ANKAR: variants seen among roughly 807,000 people sequenced by gnomAD.
The protein encoded by ANKAR is ankyrin and armadillo repeat containing, also known as ankyrin and armadillo repeat-containing protein.
ANKAR carries 136 observed loss-of-function variants against 146.2 expected under a neutral mutation model. The observed-to-expected ratio is 0.93, with a 90% CI of 0.81 to 1.07. The LOEUF (loss-of-function observed/expected upper bound fraction) is 1.07. Ranked by LOEUF, ANKAR falls within the 50% of genes least tolerant of loss-of-function variation. The probability of loss-of-function intolerance (pLI) is 0.00; values close to 1 mark genes in which losing one functional copy is unlikely to be tolerated. For synonymous variants in ANKAR, 500 were observed against 575.8 expected, an observed-to-expected ratio of 0.87 and a Z score of 1.88; for missense variants, 1,567 against 1,679.9, an observed-to-expected ratio of 0.93 and a Z score of 1.18.
At chr2:189,678,233 A>G (rs761181224) in intron 2 of ANKAR, among the ~76,000 whole-genome samples, 17 of 152,070 alleles carry the variant, frequency 1.1e-4, no homozygotes, top group South Asian at 2.1e-4. Flanking sequence ...CCTTTTGTAT[A>G]TCTTCATTTG....
At chr2:189,709,386 A>G (rs2039395487) in intron 9 of ANKAR, among the ~76,000 whole-genome samples, 1 of 152,218 alleles carries the variant, frequency 6.6e-6, no homozygotes, top group African/African-American at 2.4e-5. Context: ...AAATCATAGA[A>G]GGTTATAGGG....
downstream of ANKAR, among the ~76,000 whole-genome samples, chr2:189,747,989 C>T (rs910030493): frequency 2.0e-5 from 3 of 152,044 alleles, no homozygotes; most frequent in African/African-American, 2.4e-5. Context: ...CCTGGCTTCA[C>T]TGTGTACTTT....
chr2:189,715,026 AG>A (rs1307233832), intron 10 of ANKAR, among the ~76,000 whole-genome samples: 1 of 152,014 alleles, frequency 6.6e-6, no homozygotes, highest in Admixed American at 6.5e-5. Context: ...CACAATTAAA[AG>A]AACTAGAGAA....
intron 2 of ANKAR, among the ~76,000 whole-genome samples, chr2:189,686,655 G>A (rs1266283833): frequency 3.3e-5 from 5 of 152,092 alleles, no homozygotes; most frequent in South Asian, 4.1e-4. Flanking sequence ...GAAAAATCAC[G>A]TTTTCTTGTT....
intron 7 of ANKAR, 48 bp from the exon 8 acceptor site, chr2:189,704,975 A>G (rs1220262024): frequency 6.4e-7 from 1 of 1,559,194 alleles, no homozygotes; most frequent in South Asian, 1.1e-5. Context: ...GGTTTTTTTT[A>G]GGAATGGTAG....
At chr2:189,677,622 T>A (rs928265945) in intron 2 of ANKAR, among the ~76,000 whole-genome samples, 3 of 152,158 alleles carry the variant, frequency 2.0e-5, no homozygotes, top group Non-Finnish European at 2.9e-5. Context: ...CATTATTTAA[T>A]TCATTTTTAT....
At chr2:189,749,564 A>C (rs2044776639), downstream of ANKAR, among the ~76,000 whole-genome samples, 1 of 152,060 alleles carries the variant, frequency 6.6e-6, no homozygotes, top group Non-Finnish European at 1.5e-5. Flanking sequence ...ATCCAAAAAA[A>C]CTCCCTCATT....
chr2:189,714,054 A>C (rs548175305), intron 10 of ANKAR, among the ~76,000 whole-genome samples: 1 of 152,218 alleles, frequency 6.6e-6, no homozygotes, highest in Admixed American at 6.5e-5. Context: ...TGCAACAAGA[A>C]GAACTAACTA....
chr2:189,679,720 T>G (rs899543733), intron 2 of ANKAR, among the ~76,000 whole-genome samples: 2 of 152,194 alleles, frequency 1.3e-5, no homozygotes, highest in African/African-American at 4.8e-5. Context: ...ATTGAGATGA[T>G]TTTTGTTTTT....
intron 17 of ANKAR, among the ~76,000 whole-genome samples, chr2:189,735,320 T>C (rs2042750875): frequency 6.6e-6 from 1 of 152,190 alleles, no homozygotes; most frequent in Non-Finnish European, 1.5e-5. Flanking sequence ...AACTAGAAGG[T>C]TTAACCAAAG....
chr2:189,696,228 A>T lies in ANKAR; in HGVS notation c.1567A>T (p.Ser523Cys). The T allele has an allele frequency of 6.2e-7, 1 of 1,614,142 alleles. No individual in the cohort carries two copies. Among genetic ancestry groups the T allele is most frequent in the East Asian group, 2.2e-5 (1 of 44,878 alleles). ...CCACACATTTAGCCGTAAAACCTCAAGCTCAACAATCAATGTTTCAGATGA... is the reference window on the plus strand; with the variant it reads ...CCACACATTTAGCCGTAAAACCTCATGCTCAACAATCAATGTTTCAGATGA... ...VFHTFSRKTSSSTINVSDEAG... is the reference protein window; with the variant it reads ...VFHTFSRKTSCSTINVSDEAG... Residue 523 changes from serine (S) to cysteine (C), a missense_variant, in exon 7 of 23, where the codon AGC becomes TGC. Coordinates refer to ENST00000684021, the MANE Select transcript of ANKAR (RefSeq NM_001378068.1).
At chr2:189,725,161 T>G (rs946714476) in intron 12 of ANKAR, among the ~76,000 whole-genome samples, 1 of 152,064 alleles carries the variant, frequency 6.6e-6, no homozygotes, top group Non-Finnish European at 1.5e-5. Context: ...GTGCAGAATG[T>G]AGGAAAACAA....
chr2:189,718,267 G>A (rs535506733), intron 10 of ANKAR, among the ~76,000 whole-genome samples: 15 of 152,006 alleles, frequency 9.9e-5, no homozygotes, highest in Non-Finnish European at 1.8e-4. Context: ...AGTCTGGGCA[G>A]CATAGTGAGA....
downstream of ANKAR, chr2:189,762,787 A>C: frequency 3.0e-6 from 3 of 985,406 alleles, no homozygotes; most frequent in Non-Finnish European, 3.6e-6. Flanking sequence ...GGCGCCCGGA[A>C]GTGATGTCAT....
chr2:189,695,194 T>C, intron 6 of ANKAR, 33 bp downstream of exon 6: 1 of 1,499,372 alleles, frequency 6.7e-7, no homozygotes, highest in Non-Finnish European at 9.0e-7. Flanking sequence ...ATTTAGTATA[T>C]GAAGTTATGT....
At position 189,681,630 on chromosome 2, in the gene ANKAR, A is replaced by G. The variant is rs1009600127; in HGVS notation, c.601+4539A>G. The stretch of plus-strand genomic sequence containing the variant: ...CACCAGCACAGTATTGGCACTGAGC[A>G]ATCAGAATGGACGTCAGCCATAATG... On this transcript the variant is annotated intron_variant, in intron 2 of 22. Coordinates refer to ENST00000684021, the MANE Select transcript of ANKAR (RefSeq NM_001378068.1). 5.3e-5 allele frequency among the ~76,000 whole-genome samples: 8 copies of G among 152,232 alleles called. 1 individual carries two copies. Among genetic ancestry groups the G allele is most frequent in the Admixed American group, 4.6e-4 (7 of 15,284 alleles).
At position 189,743,081 on chromosome 2, in the gene ANKAR, AATGGCAGTTGACAGCTCTCTGTAAAAAT is replaced by A. The variant is rs1240493009; in HGVS notation, c.3811-184_3811-157del. Reference sequence around the variant, plus strand: ...AGACTGAGAACAACCACTAGAAATCAATGGCAGTTGACAGCTCTCTGTAAAAATATGGCAGTTAAGCTTCCGTCTATAC... The same window carrying A: ...AGACTGAGAACAACCACTAGAAATCAATGGCAGTTAAGCTTCCGTCTATAC... On this transcript the variant is annotated intron_variant, in intron 20 of 22. Coordinates refer to ENST00000684021, the MANE Select transcript of ANKAR (RefSeq NM_001378068.1). 2.6e-5 allele frequency among the ~76,000 whole-genome samples: 4 copies of A among 152,116 alleles called. No individual in the cohort carries two copies. In the South Asian group the frequency reaches 8.3e-4, roughly 32 times the overall value.
intron 18 of ANKAR, chr2:189,755,315 C>T: frequency 6.2e-7 from 1 of 1,613,624 alleles, no homozygotes; most frequent in East Asian, 2.2e-5. Context: ...ATTGGTCAAC[C>T]TAATAGTAAG....
At chr2:189,711,178 T>G in intron 10 of ANKAR, 25 bp downstream of exon 10, 1 of 1,477,324 alleles carries the variant, frequency 6.8e-7, no homozygotes, top group South Asian at 1.2e-5. Context: ...ATTAATAACT[T>G]TTTATGCTAT....
Sources: allele counts gnomAD v4.1 joint callset (sites outside exome capture counted in the v4.1 genomes callset), GRCh38; gene constraint gnomAD v4.1.1; transcripts MANE v1.5; gene names NCBI Gene and HGNC (gene_info 2026-07-23, HGNC 2026-07-21).